CDK6: variants seen among roughly 807,000 people sequenced by gnomAD.
CDK6 encodes cyclin-dependent kinase 6.
CDK6 carries 6 observed loss-of-function variants against 37.1 expected under a neutral mutation model. The observed-to-expected ratio is 0.16, with a 90% CI of 0.09 to 0.32. The LOEUF (loss-of-function observed/expected upper bound fraction) is 0.32, where lower values mean the gene tolerates loss of function less well. Ranked by LOEUF, CDK6 falls within the 10% of genes least tolerant of loss-of-function variation. The pLI is 1.00. For synonymous variants in CDK6, 160 were observed against 161.3 expected (o/e 0.99, Z 0.06); for missense variants, 224 against 418.9 (o/e 0.53, Z 4.06).
chr7:92,794,677 C>T (rs1426020524), intron 2 of CDK6, among the ~76,000 whole-genome samples: 1 of 152,074 alleles, frequency 6.6e-6, no homozygotes, highest in Non-Finnish European at 1.5e-5. Flanking sequence ...TCTCCCACAG[C>T]CAGGACTCCT....
intron 4 of CDK6, among the ~76,000 whole-genome samples, chr7:92,696,623 T>G: frequency 6.6e-6 from 1 of 152,202 alleles, no homozygotes; most frequent in Non-Finnish European, 1.5e-5. Flanking sequence ...AATGATTTAC[T>G]TTGAAAAAAC....
At chr7:92,759,504 TA>T (rs1407263169) in intron 3 of CDK6, among the ~76,000 whole-genome samples, 1 of 152,074 alleles carries the variant, frequency 6.6e-6, no homozygotes, top group East Asian at 1.9e-4. Flanking sequence ...GGATAAAAGT[TA>T]TTTTTTTTAA....
At chr7:92,678,314 G>C (rs987116828) in intron 4 of CDK6, among the ~76,000 whole-genome samples, 1 of 152,168 alleles carries the variant, frequency 6.6e-6, no homozygotes, top group African/African-American at 2.4e-5. Flanking sequence ...AGGAATTATG[G>C]ACAGAGTTTG....
intron 5 of CDK6, among the ~76,000 whole-genome samples, chr7:92,649,139 G>A (rs1013702450): frequency 3.3e-5 from 5 of 152,144 alleles, no homozygotes; most frequent in African/African-American, 1.2e-4. Context: ...AATGAGGGCT[G>A]TGATAAGCCC....
intron 2 of CDK6, among the ~76,000 whole-genome samples, chr7:92,782,283 A>G (rs927953501): frequency 6.6e-6 from 1 of 152,218 alleles, no homozygotes. Flanking sequence ...ATATCACATC[A>G]AGTAAATTTA....
rs1432656240 is a variant in CDK6, at chr7:92,605,384, T to TA, written c.*9755dup. ...CCAATAAGTCAGAGTAAGGGGCAGGTAAGAATGGCTATCTGACTTCAGAAA... is the reference window on the plus strand; with the variant it reads ...CCAATAAGTCAGAGTAAGGGGCAGGTAAAGAATGGCTATCTGACTTCAGAAA... On this transcript the variant is annotated 3_prime_UTR_variant, in exon 8 of 8. Coordinates refer to ENST00000424848, the MANE Select transcript of CDK6 (RefSeq NM_001145306.2). The TA allele has an allele frequency of 4.3e-6, 1 of 233,330 alleles. No homozygotes were observed. Among genetic ancestry groups the TA allele is most frequent in the Non-Finnish European group, 8.5e-6 (1 of 117,946 alleles). 14.5% of individuals were successfully genotyped at this position (233,330 alleles called of 1,614,324 possible). A position where few individuals can be genotyped will look rare whatever the true frequency, so the allele number is the denominator to read the frequency against.
intron 5 of CDK6, among the ~76,000 whole-genome samples, chr7:92,667,366 T>C (rs1712588021): frequency 6.6e-6 from 1 of 151,692 alleles, no homozygotes; most frequent in South Asian, 2.1e-4. Context: ...TTCAGCTAAT[T>C]TTTTATTTTT....
At chr7:92,651,656 A>T (rs1487525215) in intron 5 of CDK6, among the ~76,000 whole-genome samples, 1 of 152,232 alleles carries the variant, frequency 6.6e-6, no homozygotes, top group Non-Finnish European at 1.5e-5. Flanking sequence ...CCACTGCCAG[A>T]AACAGAGTGA....
chr7:92,608,708 A>T lies in CDK6; in HGVS notation c.*6432T>A, dbSNP rs1287231032. On this transcript the variant is annotated 3_prime_UTR_variant, in exon 8 of 8. Coordinates refer to ENST00000424848, the MANE Select transcript of CDK6 (RefSeq NM_001145306.2). The stretch of plus-strand genomic sequence containing the variant: ...AGAAGACACCCGTTTGCTACTAGGG[A>T]CATTTTTCTTCCTAAGATTTGCAGA... The T allele has an allele frequency of 1.7e-5, 4 of 230,838 alleles. No homozygotes were observed. Among genetic ancestry groups the T allele is most frequent in the African/African-American group, 6.6e-5 (3 of 45,184 alleles). The allele number at this position is 230,838 out of a possible 1,614,324, so 14.3% of individuals were successfully genotyped here. A position where few individuals can be genotyped will look rare whatever the true frequency, so the allele number is the denominator to read the frequency against.
chr7:92,739,686 T>G (rs989498217), intron 3 of CDK6, among the ~76,000 whole-genome samples: 2 of 152,254 alleles, frequency 1.3e-5, no homozygotes, highest in Admixed American at 1.3e-4. Flanking sequence ...TACAATGGTG[T>G]TCCGACACAA....
At chr7:92,762,754 GT>G (rs1799488122) in intron 3 of CDK6, among the ~76,000 whole-genome samples, 1 of 151,714 alleles carries the variant, frequency 6.6e-6, no homozygotes, top group Admixed American at 6.6e-5. Flanking sequence ...TGTATTTTTA[GT>G]AGAGACGAGG....
chr7:92,618,324 A>G, intron 6 of CDK6, 117 bp from the exon 7 acceptor site: 1 of 964,432 alleles, frequency 1.0e-6, no homozygotes, highest in Non-Finnish European at 1.6e-6. Context: ...GAGTCCCAGG[A>G]GACCTTCACT....
intron 5 of CDK6, among the ~76,000 whole-genome samples, chr7:92,624,480 C>T (rs955648702): frequency 6.6e-6 from 1 of 152,022 alleles, no homozygotes; most frequent in African/African-American, 2.4e-5. Flanking sequence ...CAGAAGAAAC[C>T]AAACCTGCTG....
intron 2 of CDK6, among the ~76,000 whole-genome samples, chr7:92,831,294 C>T (rs1004555147): frequency 2.0e-5 from 3 of 152,086 alleles, no homozygotes; most frequent in African/African-American, 7.3e-5. Flanking sequence ...ATAAGAATGG[C>T]GTAAGCTTTG....
chr7:92,789,458 G>A (rs547938814), intron 2 of CDK6, among the ~76,000 whole-genome samples: 203 of 152,258 alleles, frequency 1.3e-3, no homozygotes, highest in African/African-American at 4.3e-3. Context: ...ATAAGTCTAC[G>A]TTAATGGCCA....
At chr7:92,694,845 C>T in intron 4 of CDK6, among the ~76,000 whole-genome samples, 1 of 152,146 alleles carries the variant, frequency 6.6e-6, no homozygotes, top group East Asian at 1.9e-4. Context: ...AAAAAGACCA[C>T]AGCAAAAAGG....
rs367780100 is a variant in CDK6, at chr7:92,606,414, G to A, written c.*8726C>T. ...AGGCACACCTGTGGTCCATGATGTG[G>A]AGGAAGATGGAGAGCACCATGTGGA... On this transcript the variant is annotated 3_prime_UTR_variant, in exon 8 of 8. Transcript: ENST00000424848. 4 of 233,442 alleles carry A rather than the reference G, an allele frequency of 1.7e-5. No individual in the cohort carries two copies. Among genetic ancestry groups the A allele is most frequent in the African/African-American group, 4.4e-5 (2 of 45,472 alleles). 14.5% of individuals were successfully genotyped at this position (233,442 alleles called of 1,614,324 possible). A position where few individuals can be genotyped will look rare whatever the true frequency, so the allele number is the denominator to read the frequency against.
At chr7:92,744,469 T>C (rs1799008834) in intron 3 of CDK6, among the ~76,000 whole-genome samples, 1 of 152,172 alleles carries the variant, frequency 6.6e-6, no homozygotes, top group Non-Finnish European at 1.5e-5. Flanking sequence ...ATGGGAATTA[T>C]AGGAGCTACA....
chr7:92,703,022 C>G (rs1797890573), intron 4 of CDK6, among the ~76,000 whole-genome samples: 1 of 152,132 alleles, frequency 6.6e-6, no homozygotes, highest in Non-Finnish European at 1.5e-5. Context: ...ATGAGTGTCC[C>G]CTGGGGGATA....
Sources: gnomAD v4.1 joint callset for allele counts (sites outside exome capture counted in the v4.1 genomes callset) on GRCh38, gnomAD v4.1.1 for gene constraint, MANE v1.5 for transcripts, NCBI Gene and HGNC (gene_info 2026-07-23, HGNC 2026-07-21) for gene names.